HDAC4: variants seen among roughly 807,000 people sequenced by gnomAD.
HDAC4 encodes histone deacetylase 4.
In HDAC4, 16 loss-of-function variants were observed where a neutral mutation model predicts 135.1. The observed-to-expected ratio is 0.12, with a 90% CI of 0.08 to 0.18. The LOEUF (loss-of-function observed/expected upper bound fraction) is 0.18, where lower values mean the gene tolerates loss of function less well. HDAC4 is among the 10% of genes least tolerant of loss of function. HDAC4 has a pLI of 1.00. For missense variants in HDAC4, 1,143 were observed against 1,511.8 expected (o/e 0.76, Z 4.05); for synonymous variants, 685 against 653.4 (o/e 1.05, Z -0.74).
intron 17 of HDAC4, chr2:239,094,560 C>T (rs1035463585): frequency 9.0e-7 from 1 of 1,106,908 alleles, no homozygotes; most frequent in Middle Eastern, 4.3e-4. Flanking sequence ...CAGCGAGTAG[C>T]CCTACAGACT....
chr2:239,337,180 G>C (rs1486057452), intron 2 of HDAC4, among the ~76,000 whole-genome samples: 1 of 152,164 alleles, frequency 6.6e-6, no homozygotes, highest in African/African-American at 2.4e-5. Context: ...TGGTTTTACT[G>C]AACAGCAGGT....
chr2:239,269,682 G>A (rs925647929), intron 2 of HDAC4, among the ~76,000 whole-genome samples: 2 of 152,236 alleles, frequency 1.3e-5, no homozygotes, highest in African/African-American at 2.4e-5. Flanking sequence ...TGGTCACCTC[G>A]TGGCCGGGAC....
intron 2 of HDAC4, among the ~76,000 whole-genome samples, chr2:239,238,993 G>A (rs1210318133): frequency 6.6e-6 from 1 of 152,162 alleles, no homozygotes; most frequent in African/African-American, 2.4e-5. Context: ...AACAGCATGT[G>A]GATTCCCTGC....
intron 9 of HDAC4, among the ~76,000 whole-genome samples, chr2:239,136,729 T>C (rs2040983049): frequency 6.6e-6 from 1 of 152,130 alleles, no homozygotes; most frequent in African/African-American, 2.4e-5. Flanking sequence ...GGGCCAAGGA[T>C]CTGAAGAGAC....
intron 15 of HDAC4, 45 bp from the exon 16 acceptor site, chr2:239,102,941 G>C: frequency 6.2e-7 from 1 of 1,612,516 alleles, no homozygotes; most frequent in Admixed American, 1.7e-5. Context: ...TGCAGAAGCT[G>C]CTGCTTCAGC....
chr2:239,353,246 C>T (rs1693278532), intron 1 of HDAC4, among the ~76,000 whole-genome samples: 1 of 152,172 alleles, frequency 6.6e-6, no homozygotes, highest in Admixed American at 6.5e-5. Flanking sequence ...AACTCCTGAC[C>T]TCAAGTGATC....
In HDAC4 at chr2:239,377,678, G is replaced by A. The variant is rs78566234; in HGVS notation, c.-220+23300C>T. 4.2e-3 allele frequency among the ~76,000 whole-genome samples: 641 copies of A among 152,342 alleles called. 6 individuals are homozygous for A. In the South Asian group the frequency reaches 0.048, roughly 11 times the overall value. On this transcript the variant is annotated intron_variant, in intron 1 of 26. Coordinates refer to ENST00000543185, the MANE Select transcript of HDAC4 (RefSeq NM_001378414.1). ...TCTCACCACTGGCTTCTCACAAGGGGCAGGGCTGACAGCTCATCTGGCTGG... is the reference window on the plus strand; with the variant it reads ...TCTCACCACTGGCTTCTCACAAGGGACAGGGCTGACAGCTCATCTGGCTGG...
At chr2:239,059,310 G>C (rs1039477515) in intron 24 of HDAC4, among the ~76,000 whole-genome samples, 12 of 152,184 alleles carry the variant, frequency 7.9e-5, no homozygotes, top group African/African-American at 2.9e-4. Context: ...AAGGAAAGAA[G>C]ATAGATGGGA....
intron 2 of HDAC4, among the ~76,000 whole-genome samples, chr2:239,279,482 A>G (rs2050582236): frequency 6.6e-6 from 1 of 152,248 alleles, no homozygotes; most frequent in Non-Finnish European, 1.5e-5. Context: ...GCTGGGGTTC[A>G]GGCCCGTCTC....
chr2:239,208,270 T>C (rs1470597978), intron 3 of HDAC4, among the ~76,000 whole-genome samples: 1 of 132,800 alleles, frequency 7.5e-6, no homozygotes, highest in Admixed American at 9.5e-5. Flanking sequence ...GAGCCTGCAG[T>C]GAGCCGAGAT....
chr2:239,082,907 G>A (rs936688109), intron 20 of HDAC4, among the ~76,000 whole-genome samples: 1 of 152,254 alleles, frequency 6.6e-6, no homozygotes, highest in Admixed American at 6.5e-5. Context: ...CGGGCGAGGG[G>A]GTGGCCCCGC....
chr2:239,275,291 G>A (rs1298751620), intron 2 of HDAC4, among the ~76,000 whole-genome samples: 1 of 152,244 alleles, frequency 6.6e-6, no homozygotes, highest in Admixed American at 6.5e-5. Flanking sequence ...GCAAAGCGCT[G>A]CTCACTGCCG....
chr2:239,393,727 T>C (rs1202324608), intron 1 of HDAC4, among the ~76,000 whole-genome samples: 1 of 151,948 alleles, frequency 6.6e-6, no homozygotes, highest in East Asian at 1.9e-4. Context: ...TGCACCTGCC[T>C]GTTTAGCTCC....
intron 3 of HDAC4, among the ~76,000 whole-genome samples, chr2:239,213,894 C>A (rs1010446448): frequency 6.6e-6 from 1 of 152,220 alleles, no homozygotes; most frequent in African/African-American, 2.4e-5. Flanking sequence ...AAAGCATGTG[C>A]CTAACCGCCT....
At chr2:239,257,575 CA>C (rs1160148038) in intron 2 of HDAC4, among the ~76,000 whole-genome samples, 2 of 152,118 alleles carry the variant, frequency 1.3e-5, no homozygotes, top group Non-Finnish European at 2.9e-5. Flanking sequence ...GATCTGGAAG[CA>C]ACCCCTAGGG....
At chr2:239,082,359 C>G in intron 20 of HDAC4, 138 bp from the exon 21 acceptor site, 1 of 1,186,396 alleles carries the variant, frequency 8.4e-7, no homozygotes, top group South Asian at 1.2e-5. Flanking sequence ...CAGCTGGGCC[C>G]GTACCCGGCA....
chr2:239,394,052 C>T (rs947834101), intron 1 of HDAC4, among the ~76,000 whole-genome samples: 22 of 151,434 alleles, frequency 1.5e-4, no homozygotes, highest in African/African-American at 4.9e-4. Flanking sequence ...AAAAGAACCG[C>T]TCCAGCAAAT....
chr2:239,223,425 G>T (rs946044354), intron 3 of HDAC4, among the ~76,000 whole-genome samples: 1 of 152,172 alleles, frequency 6.6e-6, no homozygotes, highest in Non-Finnish European at 1.5e-5. Flanking sequence ...GGTCACTGGG[G>T]GTGGAATAAT....
At chr2:239,230,412 G>A (rs1055954645) in intron 3 of HDAC4, among the ~76,000 whole-genome samples, 41 of 144,278 alleles carry the variant, frequency 2.8e-4, no homozygotes, top group East Asian at 4.1e-4. Flanking sequence ...GACATGTTCC[G>A]TGGCGGACAT....
Sources: allele counts gnomAD v4.1 joint callset (sites outside exome capture counted in the v4.1 genomes callset), GRCh38; gene constraint gnomAD v4.1.1; transcripts MANE v1.5; gene names NCBI Gene and HGNC (gene_info 2026-07-23, HGNC 2026-07-21).